The following TYRO3 variants were observed in gnomAD, a reference collection of about 807,000 sequenced individuals.
TYRO3 encodes the protein tyrosine-protein kinase receptor TYRO3.
Under a neutral mutation model 95.2 loss-of-function variants are expected in TYRO3, and 38 were observed. That is an observed-to-expected ratio of 0.40 (90% CI 0.31 to 0.52). TYRO3 has a LOEUF of 0.52. Ranked by LOEUF, TYRO3 falls within the 20% of genes least tolerant of loss-of-function variation. The probability of loss-of-function intolerance (pLI) is 0.56; values close to 1 mark genes in which losing one functional copy is unlikely to be tolerated. For synonymous variants in TYRO3, 367 were observed against 432.9 expected (o/e 0.85, Z 1.89); for missense variants, 812 against 1,116.4 (o/e 0.73, Z 3.89).
At chr15:41,563,049 A>C (rs2140819239) in intron 4 of TYRO3, among the ~76,000 whole-genome samples, 1 of 152,170 alleles carries the variant, frequency 6.6e-6, no homozygotes, top group African/African-American at 2.4e-5. Flanking sequence ...CAAGGAAAGG[A>C]GCCAGAAACC....
intron 9 of TYRO3, 47 bp from the exon 10 acceptor site, chr15:41,569,980 C>T (rs1337061357): frequency 1.3e-6 from 2 of 1,592,176 alleles, no homozygotes; most frequent in Non-Finnish European, 8.5e-7. Context: ...TCTGAAGGGA[C>T]CTCATGGTGT....
At chr15:41,573,591 C>T in intron 17 of TYRO3, 88 bp from the exon 18 acceptor site, 1 of 1,446,348 alleles carries the variant, frequency 6.9e-7, no homozygotes, top group South Asian at 1.2e-5. Context: ...CCCTGAGCCC[C>T]AGGTTGTGCT....
At position 41,570,686 on chromosome 15, in the gene TYRO3, G is replaced by C; in HGVS notation, c.1566G>C (p.Arg522=). The C allele has an allele frequency of 6.2e-7, 1 of 1,614,230 alleles. No homozygotes were observed. The highest frequency in any genetic ancestry group is 8.5e-7 in the Non-Finnish European group (1 of 1,180,048). ...LIPEQQFTLG[R]MLGKGEFGSV... ...CAGAGCAGCAGTTCACCCTGGGCCG[G>C]ATGTTGGGCAAAGGTATGTGAGGCT... Residue 522 remains arginine (R), a synonymous_variant, in exon 12 of 19, where the codon CGG becomes CGC. Coordinates refer to ENST00000263798, the MANE Select transcript of TYRO3 (RefSeq NM_006293.4).
rs1156475194 is a variant in TYRO3, at chr15:41,578,389, T to C, written c.*113T>C. On this transcript the variant is annotated 3_prime_UTR_variant, in exon 19 of 19. Transcript: ENST00000263798. ...CAGCAAGGTGTGGAGGCTCCTGTGG[T>C]AGTCCTCCCAAGCTGTGCTGGGAAG... 3 of 1,365,548 alleles carry C rather than the reference T, an allele frequency of 2.2e-6. No individual in the cohort carries two copies. In the African/African-American group the frequency reaches 4.4e-5, roughly 20 times the overall value. 84.6% of individuals were successfully genotyped at this position (1,365,548 alleles called of 1,614,324 possible). A position where few individuals can be genotyped will look rare whatever the true frequency, so the allele number is the denominator to read the frequency against.
chr15:41,564,864 G>T lies in TYRO3; in HGVS notation c.668-162G>T, dbSNP rs569370994. 1.3e-5 allele frequency: 8 copies of T among 614,854 alleles called. No individual in the cohort carries two copies. In the East Asian group the frequency reaches 2.3e-4, roughly 17 times the overall value. 38.1% of individuals were successfully genotyped at this position (614,854 alleles called of 1,614,324 possible). A position where few individuals can be genotyped will look rare whatever the true frequency, so the allele number is the denominator to read the frequency against. ...AGGTGTGAGCAGCTGTGCCCTACTG[G>T]TTGCTTATTTGTGTACTACTGTGAT... On this transcript the variant is annotated intron_variant, in intron 5 of 18. Transcript: ENST00000263798.
chr15:41,568,621 G>A (rs899243128), intron 8 of TYRO3, among the ~76,000 whole-genome samples: 2 of 152,130 alleles, frequency 1.3e-5, no homozygotes, highest in African/African-American at 4.8e-5. Flanking sequence ...GCACAGATAA[G>A]GCTTTGTCCC....
At position 41,570,081 on chromosome 15, in the gene TYRO3, T is replaced by C; in HGVS notation, c.1307T>C (p.Val436Ala). Residue 436 changes from valine to alanine, a missense_variant, in exon 10 of 19, where the codon GTG becomes GCG. Transcript: ENST00000263798. The stretch of plus-strand genomic sequence containing the variant: ...TCCTGGGTACCTGTGGTCCTTGGTG[T>C]GCTAACGGCCCTGGTGACGGCTGCT... ...RTSWVPVVLG[V>A]LTALVTAAAL... 1 of 1,614,102 alleles carries C rather than the reference T, an allele frequency of 6.2e-7. No individual in the cohort carries two copies. The highest frequency in any genetic ancestry group is 8.5e-7 in the Non-Finnish European group (1 of 1,180,036).
At chr15:41,570,965 G>A in intron 12 of TYRO3, 73 bp from the exon 13 acceptor site, 11 of 1,498,676 alleles carry the variant, frequency 7.3e-6, no homozygotes, top group Non-Finnish European at 1.0e-5. Context: ...TTCCCATGGA[G>A]GGTCACTTGG....
chr15:41,568,114 T>A, intron 7 of TYRO3, 103 bp from the exon 8 acceptor site: 1 of 1,497,368 alleles, frequency 6.7e-7, no homozygotes, highest in Non-Finnish European at 9.1e-7. Flanking sequence ...AGTTTGTGCC[T>A]CTCAGAGCTG....
intron 11 of TYRO3, 38 bp downstream of exon 11, chr15:41,570,378 G>T: frequency 7.1e-6 from 8 of 1,128,054 alleles, no homozygotes; most frequent in Non-Finnish European, 1.0e-5. Flanking sequence ...CAAATGGGCT[G>T]TCTTGTGCCC....
rs1476939949 is a variant in TYRO3, at chr15:41,581,071, A to T, written c.*2795A>T. 6.5e-6 allele frequency: 1 copy of T among 153,270 alleles called. No individual in the cohort carries two copies. The highest frequency in any genetic ancestry group is 1.5e-5 in the Non-Finnish European group (1 of 68,026). The allele number at this position is 153,270 out of a possible 1,614,324, so 9.5% of individuals were successfully genotyped here. On this transcript the variant is annotated 3_prime_UTR_variant, in exon 19 of 19. Coordinates refer to ENST00000263798, the MANE Select transcript of TYRO3 (RefSeq NM_006293.4). ...CCAGGCTTGGTGGCGCAGGTTTGTC[A>T]TCTCAGCTACTGGGTGACTGAGGCA...
chr15:41,567,566 G>A, intron 7 of TYRO3, 29 bp downstream of exon 7: 1 of 1,428,872 alleles, frequency 7.0e-7, no homozygotes, highest in Admixed American at 2.6e-5. Context: ...AGAGCGGGTG[G>A]GCAGGGCTGG....
chr15:41,576,296 C>T lies in TYRO3; in HGVS notation c.2283-1590C>T, dbSNP rs374056918. ...ACAACTTCCACCTCCTGGATTCAAGCGATTCTCGTGCCTCAGTCTCCTGAG... is the reference window on the plus strand; with the variant it reads ...ACAACTTCCACCTCCTGGATTCAAGTGATTCTCGTGCCTCAGTCTCCTGAG... On this transcript the variant is annotated intron_variant, in intron 18 of 18. Transcript: ENST00000263798. Among the ~76,000 whole-genome samples the T allele has an allele frequency of 4.0e-5, 6 of 151,414 alleles. No homozygotes were observed. The East Asian group carries it at 8.0e-4, about 20-fold the overall frequency.
rs182795606 is a variant in TYRO3 at position 41,572,580 on chromosome 15, G to C, written c.1875+16G>C. The C allele has an allele frequency of 4.4e-3, 4,383 of 996,602 alleles. 14 individuals are homozygous for C. Among genetic ancestry groups the C allele is most frequent in the Middle Eastern group, 6.6e-3 (22 of 3,316 alleles). The allele number at this position is 996,602 out of a possible 1,614,324, so 61.7% of individuals were successfully genotyped here. On this transcript the variant is annotated intron_variant, in intron 15 of 18. Transcript: ENST00000263798. ...GAACCCCTTTGTGAGTACCTGGTGT[G>C]GGGGTGGCCAGGAGGAAACGGGTGG...
chr15:41,577,375 G>A (rs1411711498), intron 18 of TYRO3: 1 of 152,000 alleles, frequency 6.6e-6, no homozygotes, highest in Non-Finnish European at 1.5e-5. Context: ...GCCCAGGCTG[G>A]AGTTCAATTG....
chr15:41,578,196 C>T lies in TYRO3; in HGVS notation c.2593C>T (p.His865Tyr). ...GLAEQPGQAE[H>Y]QPESPLNETQ... Reference sequence around the variant, plus strand: ...GGCTGAGCAGCCAGGGCAGGCAGAGCACCAGCCAGAGAGTCCCCTCAATGA... The same window carrying T: ...GGCTGAGCAGCCAGGGCAGGCAGAGTACCAGCCAGAGAGTCCCCTCAATGA... The change falls in exon 19 of 19, where the codon CAC (histidine) becomes TAC (tyrosine). Residue 865 changes from histidine (H) to tyrosine (Y), a missense_variant. Transcript: ENST00000263798. 3 of 1,613,844 alleles carry T rather than the reference C, an allele frequency of 1.9e-6. No homozygotes were observed. Among genetic ancestry groups the T allele is most frequent in the Non-Finnish European group, 2.5e-6 (3 of 1,180,036 alleles).
rs978391790 is a variant in TYRO3, at chr15:41,562,869, C to T, written c.580+151C>T. The T allele has an allele frequency of 3.1e-5, 25 of 806,716 alleles. No homozygotes were observed. The Admixed American group carries it at 3.8e-4, about 12-fold the overall frequency. The allele number at this position is 806,716 out of a possible 1,614,324, so 50.0% of individuals were successfully genotyped here. A position where few individuals can be genotyped will look rare whatever the true frequency, so the allele number is the denominator to read the frequency against. ...ACGTGAGCTGCACCATTACTAAGCT[C>T]ATTAGTCAGGTGTGCTAGGCTGGCT... On this transcript the variant is annotated intron_variant, in intron 4 of 18. Transcript: ENST00000263798.
rs754388681 is a variant in TYRO3, at chr15:41,571,118, G to A, written c.1660G>A (p.Ala554Thr). 1.8e-5 allele frequency: 29 copies of A among 1,613,680 alleles called. No individual in the cohort carries two copies. In the South Asian group the frequency reaches 3.0e-4, roughly 16 times the overall value. The change falls in exon 13 of 19, where the codon GCT becomes ACT. Residue 554 changes from alanine to threonine, a missense_variant and splice_region_variant. By Grantham distance (58) the Ala-to-Thr change is moderately conservative. Coordinates refer to ENST00000263798, the MANE Select transcript of TYRO3 (RefSeq NM_006293.4). ...GAAAGTGGCTGTGAAGATGCTGAAA[G>A]GTGAGTGGGGGATAGCTGTAGCCTG... ...FVKVAVKMLK[A>T]DIIASSDIEE...
In TYRO3 at chr15:41,571,713, A is replaced by T. The variant is rs540635438; in HGVS notation, c.1753+26A>T. The T allele has an allele frequency of 5.1e-5, 71 of 1,395,310 alleles. 1 individual carries two copies. The South Asian group carries it at 7.5e-4, about 15-fold the overall frequency. The allele number at this position is 1,395,310 out of a possible 1,614,324, so 86.4% of individuals were successfully genotyped here. A position where few individuals can be genotyped will look rare whatever the true frequency, so the allele number is the denominator to read the frequency against. On this transcript the variant is annotated intron_variant, in intron 14 of 18. Coordinates refer to ENST00000263798, the MANE Select transcript of TYRO3 (RefSeq NM_006293.4). ...GTGAGCCCATTTTTGGGGGAGGCAG[A>T]TAGAGAATAGGGCTAAAAATATGCT...
Sources: allele counts gnomAD v4.1 joint callset (sites outside exome capture counted in the v4.1 genomes callset), GRCh38; gene constraint gnomAD v4.1.1; transcripts MANE v1.5; gene names NCBI Gene and HGNC (gene_info 2026-07-23, HGNC 2026-07-21).